Variants in LRP1B observed in about 807,000 individuals in gnomAD.
LRP1B encodes low-density lipoprotein receptor-related protein 1B.
Under a neutral mutation model 556.6 loss-of-function variants are expected in LRP1B, and 217 were observed. The ratio of observed to expected loss-of-function variants is 0.39; its 90% CI spans 0.35 to 0.44. The LOEUF (loss-of-function observed/expected upper bound fraction) is 0.44, where lower values mean the gene tolerates loss of function less well. Among genes scored for constraint, LRP1B ranks in the 20% least tolerant of loss-of-function variants. The probability of loss-of-function intolerance (pLI) is 1.00; values close to 1 mark genes in which losing one functional copy is unlikely to be tolerated. For missense variants in LRP1B, 5,053 were observed against 5,620.8 expected (o/e 0.90, Z 3.23); for synonymous variants, 2,047 against 1,865.8 (o/e 1.10, Z -2.50).
intron 87 of LRP1B, among the ~76,000 whole-genome samples, chr2:140,243,418 G>A (rs893120178): frequency 1.1e-4 from 17 of 151,028 alleles, no homozygotes; most frequent in African/African-American, 3.6e-4. Context: ...GAAGTTCAGA[G>A]GAAGAGAACA....
intron 2 of LRP1B, among the ~76,000 whole-genome samples, chr2:141,499,791 A>G (rs532367659): frequency 1.2e-4 from 18 of 152,204 alleles, no homozygotes; most frequent in Admixed American, 4.6e-4. Context: ...AATAAAATAT[A>G]TAGGATTTGT....
At chr2:141,999,895 ACCGTCGAC>A (rs1330209799) in intron 1 of LRP1B, among the ~76,000 whole-genome samples, 2 of 151,554 alleles carry the variant, frequency 1.3e-5, no homozygotes, top group African/African-American at 4.8e-5. Context: ...GGTAATTAAA[ACCGTCGAC>A]CTTGTGTCCA....
intron 3 of LRP1B, among the ~76,000 whole-genome samples, chr2:141,408,078 G>A (rs941648421): frequency 6.6e-6 from 1 of 151,016 alleles, no homozygotes; most frequent in Admixed American, 6.6e-5. Flanking sequence ...ACAACCTTAA[G>A]CAATTTCATT....
At chr2:141,666,043 T>C (rs749322031) in intron 2 of LRP1B, among the ~76,000 whole-genome samples, 2 of 152,174 alleles carry the variant, frequency 1.3e-5, no homozygotes, top group Non-Finnish European at 2.9e-5. Flanking sequence ...GGTGATGGGC[T>C]AATAGATGCA....
intron 3 of LRP1B, among the ~76,000 whole-genome samples, chr2:141,372,721 T>G (rs1240948420): frequency 6.6e-6 from 1 of 152,100 alleles, no homozygotes; most frequent in Admixed American, 6.5e-5. Context: ...GTATCAGTTG[T>G]AATATCTCCT....
intron 1 of LRP1B, among the ~76,000 whole-genome samples, chr2:141,890,329 T>TATATATAC (rs1553480460): frequency 1.2e-4 from 14 of 118,732 alleles, no homozygotes; most frequent in Middle Eastern, 4.2e-3. Context: ...AATACATATA[T>TATATATAC]ATATATATAT....
intron 1 of LRP1B, among the ~76,000 whole-genome samples, chr2:142,058,428 G>A (rs1461743886): frequency 6.6e-6 from 1 of 152,176 alleles, no homozygotes; most frequent in Non-Finnish European, 1.5e-5. Flanking sequence ...CAACTCTGTT[G>A]AGAAATACTT....
At chr2:141,684,602 A>AT (rs1422799122) in intron 2 of LRP1B, among the ~76,000 whole-genome samples, 1 of 151,956 alleles carries the variant, frequency 6.6e-6, no homozygotes, top group African/African-American at 2.4e-5. Context: ...TTAAAGTAAA[A>AT]AAAAAGAAAA....
At chr2:140,623,082 T>C (rs1683513672) in intron 41 of LRP1B, among the ~76,000 whole-genome samples, 1 of 152,148 alleles carries the variant, frequency 6.6e-6, no homozygotes, top group Non-Finnish European at 1.5e-5. Flanking sequence ...AAGAAGGCAT[T>C]GTATGCAATG....
chr2:140,937,517 T>A (rs1400337300), intron 20 of LRP1B, among the ~76,000 whole-genome samples: 1 of 152,096 alleles, frequency 6.6e-6, no homozygotes. Context: ...TTTCTAGGTA[T>A]GAAGGAGTGT....
At chr2:140,995,470 C>T (rs1169035699) in intron 15 of LRP1B, among the ~76,000 whole-genome samples, 1 of 152,024 alleles carries the variant, frequency 6.6e-6, no homozygotes, top group East Asian at 1.9e-4. Flanking sequence ...ACAACATTAA[C>T]AACAATAACA....
At chr2:141,865,781 T>C (rs952710938) in intron 1 of LRP1B, among the ~76,000 whole-genome samples, 2 of 152,298 alleles carry the variant, frequency 1.3e-5, no homozygotes, top group African/African-American at 4.8e-5. Context: ...TCTCAGATGA[T>C]GACTGGATAC....
chr2:140,427,746 G>A (rs1329373724), intron 66 of LRP1B, among the ~76,000 whole-genome samples: 1 of 150,534 alleles, frequency 6.6e-6, no homozygotes, highest in Non-Finnish European at 1.5e-5. Flanking sequence ...CCAACCCCAA[G>A]CATCACTGAG....
intron 1 of LRP1B, among the ~76,000 whole-genome samples, chr2:141,815,575 A>G (rs1409971488): frequency 1.3e-5 from 2 of 152,166 alleles, no homozygotes; most frequent in African/African-American, 4.8e-5. Context: ...AAATGCACCA[A>G]TCAGCACTCT....
At chr2:140,318,801 T>C (rs1216558410) in intron 82 of LRP1B, among the ~76,000 whole-genome samples, 1 of 152,118 alleles carries the variant, frequency 6.6e-6, no homozygotes, top group East Asian at 1.9e-4. Flanking sequence ...AATGCTTCCA[T>C]TTTATCTGTA....
At chr2:140,882,317 T>C (rs1693500192) in intron 25 of LRP1B, among the ~76,000 whole-genome samples, 1 of 152,030 alleles carries the variant, frequency 6.6e-6, no homozygotes, top group Non-Finnish European at 1.5e-5. Context: ...TATTGAAAAA[T>C]AAAGGTAAGT....
chr2:140,244,815 G>A (rs1289117334), intron 87 of LRP1B, among the ~76,000 whole-genome samples: 1 of 151,316 alleles, frequency 6.6e-6, no homozygotes, highest in Non-Finnish European at 1.5e-5. Flanking sequence ...ACTGATGATA[G>A]AAATGCAGAT....
intron 14 of LRP1B, among the ~76,000 whole-genome samples, chr2:141,006,031 C>T (rs1311102423): frequency 1.3e-5 from 2 of 151,938 alleles, no homozygotes; most frequent in African/African-American, 2.4e-5. Flanking sequence ...ATCTAAAAAG[C>T]AGAGGCACTA....
At chr2:141,691,609 C>A (rs1225346181) in intron 2 of LRP1B, among the ~76,000 whole-genome samples, 1 of 151,942 alleles carries the variant, frequency 6.6e-6, no homozygotes, top group Non-Finnish European at 1.5e-5. Context: ...AATTTCTATA[C>A]TGCATGATAA....
Sources: allele counts gnomAD v4.1 joint callset (sites outside exome capture counted in the v4.1 genomes callset), GRCh38; gene constraint gnomAD v4.1.1; transcripts MANE v1.5; gene names NCBI Gene and HGNC (gene_info 2026-07-23, HGNC 2026-07-21).